The following BRSK2 variants were observed in gnomAD, a reference collection of about 807,000 sequenced individuals.
BRSK2 encodes serine/threonine-protein kinase BRSK2.
Under a neutral mutation model 83.3 loss-of-function variants are expected in BRSK2, and 19 were observed. The ratio of observed to expected loss-of-function variants is 0.23; its 90% CI spans 0.16 to 0.33. The LOEUF is 0.33. BRSK2 is among the 10% of genes least tolerant of loss of function. The pLI is 1.00. For synonymous variants in BRSK2, 519 were observed against 435.4 expected (o/e 1.19, Z -2.39); for missense variants, 798 against 1,042.3 (o/e 0.77, Z 3.23).
At chr11:1,440,967 C>A in intron 4 of BRSK2, 39 bp downstream of exon 4, 4 of 1,572,958 alleles carry the variant, frequency 2.5e-6, no homozygotes, top group East Asian at 4.6e-5. Context: ...TCCCCAGGGA[C>A]CCCCACACCC....
At position 1,434,925 on chromosome 11, in the gene BRSK2, G is replaced by T. The variant is rs999535363; in HGVS notation, c.92-1115G>T. Among the ~76,000 whole-genome samples, 48 of 152,058 alleles carry T rather than the reference G, an allele frequency of 3.2e-4. 1 individual carries two copies. Among genetic ancestry groups the T allele is most frequent in the Non-Finnish European group, 2.9e-5 (2 of 68,008 alleles). On this transcript the variant is annotated intron_variant, in intron 1 of 19. Transcript: ENST00000528841. ...AGCTCAGGCCAGGTGGGGCTCAGGGGTGTGGCCGGGCTGTCCTGGGCAGGG... is the reference window on the plus strand; with the variant it reads ...AGCTCAGGCCAGGTGGGGCTCAGGGTTGTGGCCGGGCTGTCCTGGGCAGGG...
intron 1 of BRSK2, among the ~76,000 whole-genome samples, chr11:1,422,945 T>C (rs1409932491): frequency 6.6e-6 from 1 of 152,186 alleles, no homozygotes; most frequent in Admixed American, 6.5e-5. Context: ...TCGAGGTCTC[T>C]CAGACCTGGG....
At position 1,449,657 on chromosome 11, in the gene BRSK2, G is replaced by A. The variant is rs1385052333; in HGVS notation, c.1227-119G>A. 1.5e-5 allele frequency: 12 copies of A among 807,462 alleles called. 1 individual carries two copies. The highest frequency in any genetic ancestry group is 3.1e-4 in the Middle Eastern group (1 of 3,270). 50.0% of individuals were successfully genotyped at this position (807,462 alleles called of 1,614,324 possible). A position where few individuals can be genotyped will look rare whatever the true frequency, so the allele number is the denominator to read the frequency against. On this transcript the variant is annotated intron_variant, in intron 12 of 19. Coordinates refer to ENST00000528841, the MANE Select transcript of BRSK2 (RefSeq NM_001256627.2). ...GGTGTGCAGCAGGACCCAGGGCCTC[G>A]AGGCTCTTGGCCCGGGCTCCAGGCC...
intron 1 of BRSK2, among the ~76,000 whole-genome samples, chr11:1,428,850 C>T (rs544465639): frequency 1.1e-4 from 16 of 149,426 alleles, no homozygotes; most frequent in South Asian, 6.4e-4. Flanking sequence ...TGTGTACAGG[C>T]GTGCGTACTG....
In BRSK2 at chr11:1,461,885, C is replaced by T. The variant is rs1377997641; in HGVS notation, c.*1162C>T. ...GGTGCGGCTCGCTCTGTCATGGGTT[C>T]CGTCTCTCTGTGGAGAAGCAGCTCC... On this transcript the variant is annotated 3_prime_UTR_variant, in exon 20 of 20. Transcript: ENST00000528841. 3.8e-5 allele frequency: 2 copies of T among 52,682 alleles called. No homozygotes were observed. The highest frequency in any genetic ancestry group is 1.8e-4 in the African/African-American group (2 of 10,828). The allele number at this position is 52,682 out of a possible 1,614,324, so 3.3% of individuals were successfully genotyped here.
intron 12 of BRSK2, among the ~76,000 whole-genome samples, chr11:1,446,480 G>A (rs1400336228): frequency 6.6e-6 from 1 of 152,142 alleles, no homozygotes; most frequent in South Asian, 2.1e-4. Context: ...GGGCTGAGCT[G>A]TGATATGGTC....
chr11:1,444,145 GCACTGGTGCTTCCCCAT>G (rs1851711110), intron 8 of BRSK2, among the ~76,000 whole-genome samples: 1 of 152,078 alleles, frequency 6.6e-6, no homozygotes, highest in Admixed American at 6.5e-5. Flanking sequence ...TTACACAAAA[GCACTGGTGCTTCCCCAT>G]CACGGCCATC....
chr11:1,456,552 C>T (rs781413266), intron 17 of BRSK2, 24 bp downstream of exon 17: 43 of 1,600,202 alleles, frequency 2.7e-5, no homozygotes, highest in Non-Finnish European at 3.4e-5. Context: ...CCCAGGGCGG[C>T]TCCGGGCCCA....
chr11:1,400,777 C>A (rs1033625035), intron 1 of BRSK2, among the ~76,000 whole-genome samples: 1 of 152,234 alleles, frequency 6.6e-6, no homozygotes, highest in African/African-American at 2.4e-5. Context: ...CGGCCACCCA[C>A]CCCGGACACT....
intron 1 of BRSK2, among the ~76,000 whole-genome samples, chr11:1,394,764 C>A (rs1256669574): frequency 1.1e-5 from 1 of 89,614 alleles, no homozygotes; most frequent in Non-Finnish European, 2.3e-5. Context: ...GAGATGGGCC[C>A]CTGGAGATGG....
At chr11:1,457,406 A>ACT (rs1846730644) in intron 18 of BRSK2, among the ~76,000 whole-genome samples, 1 of 152,066 alleles carries the variant, frequency 6.6e-6, no homozygotes, top group African/African-American at 2.4e-5. Flanking sequence ...TGATGGGCTC[A>ACT]CACAGGGGAG....
In BRSK2 at chr11:1,420,021, C is replaced by T. The variant is rs540313028; in HGVS notation, c.92-16019C>T. ...TCCCACACCCGGGCACGTGGTCGTT[C>T]GTCTCCAAGGAAGCCTGGTTGAGTG... On this transcript the variant is annotated intron_variant, in intron 1 of 19. Coordinates refer to ENST00000528841, the MANE Select transcript of BRSK2 (RefSeq NM_001256627.2). Among the ~76,000 whole-genome samples, 17 of 152,372 alleles carry T rather than the reference C, an allele frequency of 1.1e-4. No individual in the cohort carries two copies. The South Asian group carries it at 1.7e-3, about 15-fold the overall frequency.
Position 1,450,695 on chromosome 11 carries a change from T to C in BRSK2, c.1396T>C (p.Ser466Pro). Residue 466 changes from serine (S) to proline (P), a missense_variant, in exon 14 of 20, where the codon TCC becomes CCC. By Grantham distance (74) the Ser-to-Pro change is moderately conservative. Around this residue, in one of 6 missense-constraint regions of BRSK2, gnomAD observed 455 missense variants for 455.2 expected, o/e 1.00. Coordinates refer to ENST00000528841, the MANE Select transcript of BRSK2 (RefSeq NM_001256627.2). ...PAGTPNPTPP[S>P]SPSVGGVPWR... ...TGGCACGCCCAACCCCACGCCCCCG[T>C]CCAGCCCCAGCGTCGGAGGGGTGCC... 6.2e-7 allele frequency: 1 copy of C among 1,608,746 alleles called. No homozygotes were observed. Among genetic ancestry groups the C allele is most frequent in the Non-Finnish European group, 8.5e-7 (1 of 1,178,520 alleles).
chr11:1,411,562 C>A (rs745831006), intron 1 of BRSK2: 1 of 1,578,644 alleles, frequency 6.3e-7, no homozygotes, highest in Non-Finnish European at 8.5e-7. Context: ...ACTCCCGGCC[C>A]ACAGCTGCTC....
At chr11:1,411,608 G>A in intron 1 of BRSK2, 5 of 1,569,248 alleles carry the variant, frequency 3.2e-6, no homozygotes, top group Non-Finnish European at 4.3e-6. Context: ...GCCAGACCTG[G>A]CTCTGCCTGC....
intron 1 of BRSK2, among the ~76,000 whole-genome samples, chr11:1,428,804 G>A (rs1252308261): frequency 1.3e-5 from 2 of 151,818 alleles, no homozygotes; most frequent in Non-Finnish European, 2.9e-5. Context: ...TGTGCACTGG[G>A]GTGTATGTAT....
intron 3 of BRSK2, 106 bp from the exon 4 acceptor site, chr11:1,440,682 C>T (rs1010192076): frequency 3.9e-5 from 55 of 1,392,788 alleles, no homozygotes; most frequent in Middle Eastern, 5.0e-4. Context: ...AGGATGGGGG[C>T]GGCCTGCAGA....
intron 1 of BRSK2, among the ~76,000 whole-genome samples, chr11:1,397,770 T>G (rs2134031287): frequency 6.6e-6 from 1 of 152,208 alleles, no homozygotes; most frequent in Non-Finnish European, 1.5e-5. Context: ...GAGCTGCCTT[T>G]CCTGGGTGGC....
At chr11:1,407,268 C>T (rs866694507) in intron 1 of BRSK2, among the ~76,000 whole-genome samples, 25 of 152,240 alleles carry the variant, frequency 1.6e-4, no homozygotes, top group Admixed American at 8.5e-4. Context: ...GACTGGCTCC[C>T]GCTGGCCACC....
Sources: allele counts gnomAD v4.1 joint callset (sites outside exome capture counted in the v4.1 genomes callset), GRCh38; gene constraint gnomAD v4.1.1; regional missense constraint gnomAD v4.1.1; transcripts MANE v1.5; gene names NCBI Gene and HGNC (gene_info 2026-07-23, HGNC 2026-07-21).